LSAMP: variants seen among roughly 807,000 people sequenced by gnomAD.
LSAMP encodes limbic system-associated membrane protein.
In LSAMP, 7 loss-of-function variants were observed where a neutral mutation model predicts 38.6. That is an observed-to-expected ratio of 0.18 (90% CI 0.10 to 0.34). LSAMP has a LOEUF of 0.34. Ranked by LOEUF, LSAMP falls within the 10% of genes least tolerant of loss-of-function variation. The pLI, the probability that LSAMP is intolerant of heterozygous loss-of-function variation, is 1.00. For synonymous variants in LSAMP, 154 were observed against 166.8 expected (o/e 0.92, Z 0.59); for missense variants, 313 against 420.0 (o/e 0.75, Z 2.23).
chr3:116,134,921 T>C (rs1209550328), intron 1 of LSAMP, among the ~76,000 whole-genome samples: 1 of 152,180 alleles, frequency 6.6e-6, no homozygotes, highest in East Asian at 1.9e-4. Flanking sequence ...CACATTAATA[T>C]ATCTTTCTGA....
At chr3:115,974,951 G>A (rs1939137844) in intron 3 of LSAMP, among the ~76,000 whole-genome samples, 3 of 152,150 alleles carry the variant, frequency 2.0e-5, no homozygotes, top group Admixed American at 2.0e-4. Flanking sequence ...TGTTCAGTCA[G>A]TTGAGGGCTT....
chr3:115,986,129 A>C (rs1939503052), intron 3 of LSAMP, among the ~76,000 whole-genome samples: 1 of 152,164 alleles, frequency 6.6e-6, no homozygotes, highest in Non-Finnish European at 1.5e-5. Flanking sequence ...AAATGGTAAC[A>C]GGTGGAATTT....
At chr3:115,952,607 T>C (rs1938327229) in intron 3 of LSAMP, among the ~76,000 whole-genome samples, 1 of 152,094 alleles carries the variant, frequency 6.6e-6, no homozygotes, top group South Asian at 2.1e-4. Context: ...GACCACATAT[T>C]GGGTACAGTG....
chr3:115,837,550 C>A (rs1934834291), intron 6 of LSAMP, among the ~76,000 whole-genome samples: 2 of 152,030 alleles, frequency 1.3e-5, no homozygotes, highest in African/African-American at 4.8e-5. Flanking sequence ...TGGTAGCAGG[C>A]TACTGGGAGT....
intron 3 of LSAMP, among the ~76,000 whole-genome samples, chr3:115,939,748 G>A (rs1443511084): frequency 3.3e-5 from 5 of 151,908 alleles, no homozygotes; most frequent in African/African-American, 9.7e-5. Flanking sequence ...TTGTAGAGAT[G>A]GGGTTCTTGC....
chr3:115,924,046 A>C (rs1937443655), intron 3 of LSAMP, among the ~76,000 whole-genome samples: 1 of 152,080 alleles, frequency 6.6e-6, no homozygotes, highest in Non-Finnish European at 1.5e-5. Context: ...TTACTGAGTG[A>C]ATTGTGTAGA....
At chr3:115,994,277 A>G (rs1344076890) in intron 3 of LSAMP, among the ~76,000 whole-genome samples, 2 of 152,066 alleles carry the variant, frequency 1.3e-5, no homozygotes, top group African/African-American at 4.8e-5. Context: ...TTATGAGTCT[A>G]CCACCTGGGG....
At chr3:116,379,682 GA>G (rs1413164995) in intron 1 of LSAMP, among the ~76,000 whole-genome samples, 3 of 151,384 alleles carry the variant, frequency 2.0e-5, no homozygotes, top group Non-Finnish European at 4.4e-5. Flanking sequence ...GGGTACAGAA[GA>G]AAAAAATATA....
intron 1 of LSAMP, among the ~76,000 whole-genome samples, chr3:116,427,119 T>C (rs1289675509): frequency 1.4e-5 from 2 of 141,632 alleles, no homozygotes; most frequent in Non-Finnish European, 1.5e-5. Flanking sequence ...CTTTTTTTTT[T>C]TTTTTTTTTT....
chr3:116,183,767 T>C (rs750686340), intron 1 of LSAMP, among the ~76,000 whole-genome samples: 3 of 151,716 alleles, frequency 2.0e-5, no homozygotes, highest in Non-Finnish European at 3.0e-5. Context: ...AAAGATTACA[T>C]TTAAAAGCAT....
Position 116,341,794 on chromosome 3 carries a change from C to T in LSAMP, c.155+103083G>A, listed in dbSNP as rs1425892314. ...CTTGACTCTGGTTCGGCTAAGGTAC[C>T]ATCAGGCTCCTCGACACTTGAAATG... On this transcript the variant is annotated intron_variant, in intron 1 of 6. Coordinates refer to ENST00000490035, the MANE Select transcript of LSAMP (RefSeq NM_002338.5). Among the ~76,000 whole-genome samples, 6 of 151,904 alleles carry T rather than the reference C, an allele frequency of 3.9e-5. No individual in the cohort carries two copies. The East Asian group carries it at 1.2e-3, about 29-fold the overall frequency.
chr3:116,241,304 C>A (rs957315438), intron 1 of LSAMP, among the ~76,000 whole-genome samples: 1 of 151,806 alleles, frequency 6.6e-6, no homozygotes, highest in African/African-American at 2.4e-5. Flanking sequence ...GTGGCTCATG[C>A]CTGTGTAATC....
chr3:116,064,004 C>G, intron 2 of LSAMP, among the ~76,000 whole-genome samples: 1 of 152,238 alleles, frequency 6.6e-6, no homozygotes. Flanking sequence ...TGGGTGGTAA[C>G]ATAGAGTAAT....
At chr3:116,172,977 CAAAT>C (rs1426601842) in intron 1 of LSAMP, among the ~76,000 whole-genome samples, 1 of 151,914 alleles carries the variant, frequency 6.6e-6, no homozygotes, top group East Asian at 1.9e-4. Flanking sequence ...CCCACCTTCT[CAAAT>C]AAAACACAGA....
intron 1 of LSAMP, among the ~76,000 whole-genome samples, chr3:116,123,048 AAG>A (rs1485786869): frequency 2.6e-5 from 4 of 152,246 alleles, no homozygotes; most frequent in Non-Finnish European, 2.9e-5. Context: ...TGATCGAGAA[AAG>A]TCAAAAAAAT....
intron 1 of LSAMP, among the ~76,000 whole-genome samples, chr3:116,135,475 A>G (rs1233346300): frequency 6.6e-6 from 1 of 152,166 alleles, no homozygotes; most frequent in African/African-American, 2.4e-5. Context: ...GTTAACTACT[A>G]TGGGATCGTA....
intron 1 of LSAMP, among the ~76,000 whole-genome samples, chr3:116,189,099 G>A (rs1050017764): frequency 6.6e-6 from 1 of 152,044 alleles, no homozygotes; most frequent in Non-Finnish European, 1.5e-5. Flanking sequence ...TAATAAACAA[G>A]TAAACATATA....
At chr3:116,223,660 T>C (rs1441001560) in intron 1 of LSAMP, among the ~76,000 whole-genome samples, 2 of 152,224 alleles carry the variant, frequency 1.3e-5, no homozygotes, top group Non-Finnish European at 2.9e-5. Flanking sequence ...AAAGTGGTGA[T>C]ACTGTAGGTC....
chr3:115,968,715 G>C (rs982323508), intron 3 of LSAMP, among the ~76,000 whole-genome samples: 10 of 152,186 alleles, frequency 6.6e-5, no homozygotes, highest in Admixed American at 2.6e-4. Context: ...GTTTCACTAG[G>C]TCTCTTGTCT....
Sources: gnomAD v4.1 joint callset for allele counts (sites outside exome capture counted in the v4.1 genomes callset) on GRCh38, gnomAD v4.1.1 for gene constraint, MANE v1.5 for transcripts, NCBI Gene and HGNC (gene_info 2026-07-23, HGNC 2026-07-21) for gene names.